SEC14L6: variants seen among roughly 807,000 people sequenced by gnomAD.
SEC14L6 encodes the protein SEC14-like protein 6.
Under a neutral mutation model 54.1 loss-of-function variants are expected in SEC14L6, and 40 were observed. The ratio of observed to expected loss-of-function variants is 0.74; its 90% confidence interval spans 0.57 to 0.96. SEC14L6 has a LOEUF of 0.96. Ranked by LOEUF, SEC14L6 falls within the 40% of genes least tolerant of loss-of-function variation. The pLI is 0.00. For synonymous variants in SEC14L6, 171 were observed against 198.4 expected (o/e 0.86, Z 1.16); for missense variants, 471 against 498.3 (o/e 0.95, Z 0.52).
At position 30,546,619 on chromosome 22, in the gene SEC14L6, C is replaced by T. The variant is rs1229387658; in HGVS notation, c.54+10G>A. ...CTGAGGCTGGTGTAGGAGTCTCTCC[C>T]TTCACTCACCTGGGCCAGCGACTTC... On this transcript the variant is annotated intron_variant, in intron 1 of 11. Coordinates refer to ENST00000402034, the MANE Select transcript of SEC14L6 (RefSeq NM_001193336.4). The T allele has an allele frequency of 3.9e-6, 6 of 1,549,940 alleles. No homozygotes were observed. The African/African-American group carries it at 6.9e-5, about 18-fold the overall frequency.
At chr22:30,542,743 ACCT>A in intron 1 of SEC14L6, 1 of 1,576,794 alleles carries the variant, frequency 6.3e-7, no homozygotes, top group South Asian at 1.1e-5. Context: ...GTGCACTGTG[ACCT>A]CCCTGAACCC....
At chr22:30,532,768 A>G in intron 4 of SEC14L6, 29 bp downstream of exon 4, 1 of 1,608,300 alleles carries the variant, frequency 6.2e-7, no homozygotes, top group Non-Finnish European at 8.5e-7. Flanking sequence ...GGGCCCAGGG[A>G]TCAGGGTATG....
At position 30,545,471 on chromosome 22, in the gene SEC14L6, C is replaced by T. The variant is rs569574014; in HGVS notation, c.54+1158G>A. Among the ~76,000 whole-genome samples, 7 of 151,652 alleles carry T rather than the reference C, an allele frequency of 4.6e-5. No individual in the cohort carries two copies. In the East Asian group the frequency reaches 9.8e-4, roughly 21 times the overall value. The stretch of plus-strand genomic sequence containing the variant: ...GTGCAGTGGCACGATGTTGGCTCAC[C>T]GCAGTCTCGACCTCCTAGGCTCAAT... On this transcript the variant is annotated intron_variant, in intron 1 of 11. Transcript: ENST00000402034.
At chr22:30,535,723 G>A (rs1305495094) in intron 2 of SEC14L6, among the ~76,000 whole-genome samples, 2 of 152,028 alleles carry the variant, frequency 1.3e-5, no homozygotes, top group African/African-American at 4.8e-5. Context: ...TTGTTTATTT[G>A]TTTTTGAGAC....
At position 30,532,864 on chromosome 22, in the gene SEC14L6, G is replaced by C; in HGVS notation, c.175-8C>G. ...CTTCCGGAACTCCATATGCTGCAGA[G>C]ACACGGCAGGAGGTGGTGAAGATTC... On this transcript the variant is annotated splice_region_variant and splice_polypyrimidine_tract_variant and intron_variant, in intron 3 of 11. Transcript: ENST00000402034. 3 of 1,612,782 alleles carry C rather than the reference G, an allele frequency of 1.9e-6. No individual in the cohort carries two copies. The highest frequency in any genetic ancestry group is 2.5e-6 in the Non-Finnish European group (3 of 1,179,510).
At chr22:30,535,587 C>T (rs963202862) in intron 2 of SEC14L6, among the ~76,000 whole-genome samples, 10 of 152,212 alleles carry the variant, frequency 6.6e-5, no homozygotes, top group African/African-American at 2.4e-4. Flanking sequence ...AGACGCCTGT[C>T]TTTGGAACTC....
intron 1 of SEC14L6, chr22:30,543,817 G>A (rs1297092660): frequency 6.6e-7 from 1 of 1,504,090 alleles, no homozygotes; most frequent in South Asian, 1.1e-5. Flanking sequence ...CGAGAAGAAT[G>A]CCAGAAAAAT....
intron 6 of SEC14L6, 36 bp downstream of exon 6, chr22:30,531,867 G>A: frequency 6.9e-7 from 1 of 1,458,294 alleles, no homozygotes; most frequent in Non-Finnish European, 9.4e-7. Flanking sequence ...CCAGGCATTT[G>A]ACCACCCACC....
chr22:30,529,002 GAT>G lies in SEC14L6; in HGVS notation c.664+83_664+84del, dbSNP rs941651836. 2.4e-5 allele frequency: 29 copies of G among 1,221,320 alleles called. 1 individual carries two copies. In the Admixed American group the frequency reaches 5.3e-4, roughly 22 times the overall value. 75.7% of individuals were successfully genotyped at this position (1,221,320 alleles called of 1,614,324 possible). On this transcript the variant is annotated intron_variant, in intron 8 of 11. Transcript: ENST00000402034. ...ACCAGTTGGGTGCCCTACACCTTCG[GAT>G]GCAGGAACCATCAGATCTGTGAGAA...
At chr22:30,534,165 T>C (rs1478463856) in intron 2 of SEC14L6, 126 bp from the exon 3 acceptor site, 3 of 832,440 alleles carry the variant, frequency 3.6e-6, no homozygotes, top group Non-Finnish European at 5.7e-6. Flanking sequence ...GGCCTTGTTC[T>C]TGACCTGGGG....
intron 1 of SEC14L6, among the ~76,000 whole-genome samples, chr22:30,539,234 G>A (rs1367212819): frequency 2.0e-5 from 3 of 151,972 alleles, no homozygotes; most frequent in African/African-American, 4.8e-5. Context: ...AAAATTAGCC[G>A]GGCGTGGTGG....
At chr22:30,542,143 C>T (rs1299074398) in intron 1 of SEC14L6, among the ~76,000 whole-genome samples, 2 of 152,222 alleles carry the variant, frequency 1.3e-5, no homozygotes, top group Admixed American at 1.3e-4. Flanking sequence ...CCCCATCCGT[C>T]TCGCGACCCT....
At chr22:30,538,324 C>G (rs1308439803) in intron 2 of SEC14L6, among the ~76,000 whole-genome samples, 1 of 149,326 alleles carries the variant, frequency 6.7e-6, no homozygotes, top group Non-Finnish European at 1.5e-5. Flanking sequence ...CAGAGTGGGA[C>G]TCCGTCTCAA....
At chr22:30,536,377 C>T (rs1264537216) in intron 2 of SEC14L6, among the ~76,000 whole-genome samples, 2 of 152,132 alleles carry the variant, frequency 1.3e-5, no homozygotes, top group Admixed American at 6.6e-5. Flanking sequence ...CCCTACCGCC[C>T]ACCCCCTACG....
In SEC14L6 at chr22:30,525,120, G is replaced by A. The variant is rs1174325095; in HGVS notation, c.1082-11C>T. On this transcript the variant is annotated splice_polypyrimidine_tract_variant and intron_variant, in intron 11 of 11. Transcript: ENST00000402034. The stretch of plus-strand genomic sequence containing the variant: ...AAAACCTCAGGACATCTGCAGTGAG[G>A]GACAGACATTCAGACAAGATGCCCC... The A allele has an allele frequency of 2.7e-6, 4 of 1,478,390 alleles. No individual in the cohort carries two copies. The highest frequency in any genetic ancestry group is 3.7e-6 in the Non-Finnish European group (4 of 1,081,266). The allele number at this position is 1,478,390 out of a possible 1,614,324, so 91.6% of individuals were successfully genotyped here.
intron 5 of SEC14L6, 184 bp from the exon 6 acceptor site, chr22:30,532,182 CTT>C (rs1479648283): frequency 2.0e-6 from 2 of 985,426 alleles, no homozygotes; most frequent in East Asian, 2.3e-4. Context: ...GGACCGACCT[CTT>C]TGTGTCTGTC....
chr22:30,530,370 G>C (rs913837130), intron 6 of SEC14L6, among the ~76,000 whole-genome samples: 5 of 152,260 alleles, frequency 3.3e-5, no homozygotes, highest in Admixed American at 3.3e-4. Context: ...CTGCACTCTA[G>C]CCTGGGCAAC....
chr22:30,528,044 C>T (rs1936834802), intron 8 of SEC14L6, among the ~76,000 whole-genome samples: 3 of 151,688 alleles, frequency 2.0e-5, no homozygotes, highest in Admixed American at 6.6e-5. Context: ...AGGATATTCC[C>T]CCCTTCCTTA....
chr22:30,527,477 G>A (rs563287087), intron 8 of SEC14L6, among the ~76,000 whole-genome samples: 13 of 152,096 alleles, frequency 8.5e-5, no homozygotes, highest in African/African-American at 3.1e-4. Context: ...GCAAGAGTGT[G>A]GGAAAATGGG....
Sources: allele counts gnomAD v4.1 joint callset (sites outside exome capture counted in the v4.1 genomes callset), GRCh38; gene constraint gnomAD v4.1.1; transcripts MANE v1.5; gene names NCBI Gene and HGNC (gene_info 2026-07-23, HGNC 2026-07-21).